SCN7A: variants seen among roughly 807,000 people sequenced by gnomAD.
SCN7A encodes sodium voltage-gated channel alpha subunit 7.
A neutral mutation model predicts 155.2 loss-of-function variants in SCN7A; 138 were observed. The observed-to-expected ratio is 0.89, with a 90% CI of 0.77 to 1.02. SCN7A has a LOEUF of 1.02. Among genes scored for constraint, SCN7A ranks in the 50% least tolerant of loss-of-function variants. The pLI is 0.00. For synonymous variants in SCN7A, 693 were observed against 649.0 expected (o/e 1.07, Z -1.03); for missense variants, 2,058 against 1,986.6 (o/e 1.04, Z -0.68).
At chr2:166,415,976 C>G (rs1701366914) in intron 21 of SCN7A, among the ~76,000 whole-genome samples, 1 of 152,066 alleles carries the variant, frequency 6.6e-6, no homozygotes, top group South Asian at 2.1e-4. Context: ...TCACTAAATT[C>G]TTTTCCTAGT....
In SCN7A at chr2:166,410,262, C is replaced by T; in HGVS notation, c.3669G>A (p.Lys1223=). The T allele has an allele frequency of 6.4e-7, 1 of 1,556,634 alleles. No individual in the cohort carries two copies. The highest frequency in any genetic ancestry group is 1.2e-5 in the South Asian group (1 of 84,332). The change falls in exon 24 of 26, where the codon AAG becomes AAA. Residue 1223 remains lysine, a synonymous_variant. Transcript: ENST00000643258. ...KQRKQYRRLK[K]LMYEDSQRPV... Reference sequence around the variant, plus strand: ...GTCTTTGAGAATCCTCATACATTAGCTTCTTCAGCCTGCGGTACTGTTTTC... The same window carrying T: ...GTCTTTGAGAATCCTCATACATTAGTTTCTTCAGCCTGCGGTACTGTTTTC...
intron 2 of SCN7A, among the ~76,000 whole-genome samples, chr2:166,482,905 T>C (rs1449936076): frequency 1.3e-5 from 2 of 152,088 alleles, no homozygotes; most frequent in East Asian, 1.9e-4. Flanking sequence ...TGTAATATGG[T>C]CCACGCACTA....
chr2:166,449,657 A>G (rs944754629), intron 11 of SCN7A, among the ~76,000 whole-genome samples: 10 of 152,112 alleles, frequency 6.6e-5, no homozygotes, highest in African/African-American at 1.9e-4. Flanking sequence ...ACACTTCCCC[A>G]AAGAAGGTAT....
At chr2:166,472,026 A>G (rs569483035) in intron 6 of SCN7A, among the ~76,000 whole-genome samples, 32 of 151,982 alleles carry the variant, frequency 2.1e-4, no homozygotes, top group African/African-American at 7.5e-4. Flanking sequence ...GGTTAGCTAC[A>G]TATGCATACA....
chr2:166,429,842 A>G (rs188699499), intron 16 of SCN7A, among the ~76,000 whole-genome samples: 20 of 152,176 alleles, frequency 1.3e-4, no homozygotes, highest in South Asian at 2.1e-4. Flanking sequence ...CCTTATGAAA[A>G]GCACCCAGAT....
chr2:166,491,147 C>T (rs1460709860), intron 1 of SCN7A, among the ~76,000 whole-genome samples: 1 of 152,180 alleles, frequency 6.6e-6, no homozygotes, highest in Non-Finnish European at 1.5e-5. Flanking sequence ...AATATATTCA[C>T]CTAGGGTCTA....
Position 166,472,306 on chromosome 2 carries a change from G to T in SCN7A, c.572+11C>A. On this transcript the variant is annotated intron_variant, in intron 6 of 25. Coordinates refer to ENST00000643258, the MANE Select transcript of SCN7A (RefSeq NM_002976.4). ...AACATTAAAATAGACTCAATTTAAA[G>T]AAATACTCACTCAAACACAGTTACG... 6.3e-7 allele frequency: 1 copy of T among 1,577,308 alleles called. No homozygotes were observed. Among genetic ancestry groups the T allele is most frequent in the Non-Finnish European group, 8.6e-7 (1 of 1,166,500 alleles).
intron 15 of SCN7A, among the ~76,000 whole-genome samples, chr2:166,438,533 A>T (rs542999072): frequency 2.0e-5 from 3 of 152,110 alleles, no homozygotes; most frequent in Non-Finnish European, 4.4e-5. Flanking sequence ...AAACCAATTC[A>T]TTTCCTTTGA....
chr2:166,408,615 C>G (rs1033702395), intron 25 of SCN7A, among the ~76,000 whole-genome samples: 2 of 151,900 alleles, frequency 1.3e-5, no homozygotes, highest in Non-Finnish European at 2.9e-5. Flanking sequence ...ACTTTTCTAT[C>G]AGTTTTTCTG....
chr2:166,467,500 T>TACAC (rs533548551), intron 7 of SCN7A, among the ~76,000 whole-genome samples: 68 of 148,200 alleles, frequency 4.6e-4, no homozygotes, highest in Non-Finnish European at 6.9e-4. Context: ...TATATATATA[T>TACAC]ACACACACAC....
chr2:166,441,444 G>C lies in SCN7A; in HGVS notation c.2109C>G (p.Ser703=). ...CCATCAGGTAAAAAGGAATACACCA[G>C]GATTGGCCTGCAACCTCCATACAGT... ...LWDCMEVAGQ[S]WCIPFYLMVI... The change falls in exon 15 of 26, where the codon TCC becomes TCG. Residue 703 remains serine (S), a synonymous_variant. Transcript: ENST00000643258. 1 of 1,612,754 alleles carries C rather than the reference G, an allele frequency of 6.2e-7. No individual in the cohort carries two copies. The highest frequency in any genetic ancestry group is 8.5e-7 in the Non-Finnish European group (1 of 1,179,398).
intron 17 of SCN7A, among the ~76,000 whole-genome samples, 185 bp downstream of exon 17, chr2:166,428,984 T>TA (rs1701678050): frequency 6.6e-6 from 1 of 152,074 alleles, no homozygotes; most frequent in Non-Finnish European, 1.5e-5. Context: ...GTTACTCATA[T>TA]AAAAATGGCC....
chr2:166,437,349 T>C (rs758123900), intron 15 of SCN7A, among the ~76,000 whole-genome samples: 21 of 152,152 alleles, frequency 1.4e-4, no homozygotes, highest in Non-Finnish European at 2.9e-5. Context: ...AGAACTGAGA[T>C]TTGGGAATCT....
In SCN7A at chr2:166,480,284, C is replaced by G. The variant is rs904102362; in HGVS notation, c.-14-2574G>C. Among the ~76,000 whole-genome samples, 3 of 151,938 alleles carry G rather than the reference C, an allele frequency of 2.0e-5. No individual in the cohort carries two copies. The South Asian group carries it at 6.2e-4, about 31-fold the overall frequency. Reference sequence around the variant, plus strand: ...CATCCTGACTAACACGGTGAAACCCCGTCTCTGCTAAAAATACAAAAACAT... The same window carrying G: ...CATCCTGACTAACACGGTGAAACCCGGTCTCTGCTAAAAATACAAAAACAT... On this transcript the variant is annotated intron_variant, in intron 2 of 25. Coordinates refer to ENST00000643258, the MANE Select transcript of SCN7A (RefSeq NM_002976.4).
chr2:166,489,616 T>A (rs1384193398), intron 1 of SCN7A, among the ~76,000 whole-genome samples: 1 of 152,238 alleles, frequency 6.6e-6, no homozygotes, highest in African/African-American at 2.4e-5. Context: ...TTTTTTCACT[T>A]GGGTTGGTTA....
rs16852141 is a variant in SCN7A, at chr2:166,447,763, C to T, written c.1291-55G>A. 48 of 1,288,970 alleles carry T rather than the reference C, an allele frequency of 3.7e-5. No homozygotes were observed. The African/African-American group carries it at 6.0e-4, about 16-fold the overall frequency. The allele number at this position is 1,288,970 out of a possible 1,614,324, so 79.8% of individuals were successfully genotyped here. ...GCTTCCTGTCTTTGCAGGTCCAAGA[C>T]TATAAGAAGGTGCACAGCCTTGCTA... On this transcript the variant is annotated intron_variant, in intron 11 of 25. Coordinates refer to ENST00000643258, the MANE Select transcript of SCN7A (RefSeq NM_002976.4).
intron 25 of SCN7A, among the ~76,000 whole-genome samples, chr2:166,408,656 G>GT (rs961317422): frequency 2.0e-5 from 3 of 151,652 alleles, no homozygotes; most frequent in Non-Finnish European, 2.9e-5. Flanking sequence ...GCTTCTTACG[G>GT]TTTTTTTCAG....
In SCN7A at chr2:166,443,618, T is replaced by A. The variant is rs143491867; in HGVS notation, c.1685A>T (p.Tyr562Phe). Reference sequence around the variant, plus strand: ...GTTCCAACCTACTTGGAAATACCCATATGGATGCATTGCAATTATTTTAAA... The same window carrying A: ...GTTCCAACCTACTTGGAAATACCCAAATGGATGCATTGCAATTATTTTAAA... ...MIFKIIAMHP[Y>F]GYFQVGWNIF... Residue 562 changes from tyrosine to phenylalanine, a missense_variant, in exon 14 of 26, where the codon TAT becomes TTT. Physicochemically the swap from Tyr to Phe is conservative, Grantham distance 22. Coordinates refer to ENST00000643258, the MANE Select transcript of SCN7A (RefSeq NM_002976.4). 1.3e-5 allele frequency: 21 copies of A among 1,571,430 alleles called. No homozygotes were observed. Among genetic ancestry groups the A allele is most frequent in the Non-Finnish European group, 1.8e-5 (21 of 1,157,476 alleles).
intron 1 of SCN7A, among the ~76,000 whole-genome samples, chr2:166,489,565 AC>A (rs1475552294): frequency 6.6e-6 from 1 of 152,104 alleles, no homozygotes; most frequent in African/African-American, 2.4e-5. Context: ...TTCTTTAAAT[AC>A]CTCTTGACTT....
Sources: gnomAD v4.1 joint callset for allele counts (sites outside exome capture counted in the v4.1 genomes callset) on GRCh38, gnomAD v4.1.1 for gene constraint, MANE v1.5 for transcripts, NCBI Gene and HGNC (gene_info 2026-07-23, HGNC 2026-07-21) for gene names.